Variants in KDM2A observed in about 807,000 individuals in gnomAD.
KDM2A encodes the protein lysine-specific demethylase 2A.
A neutral mutation model predicts 137.3 loss-of-function variants in KDM2A; 3 were observed. The ratio of observed to expected loss-of-function variants is 0.02; its 90% CI spans 0.01 to 0.06. The LOEUF (loss-of-function observed/expected upper bound fraction) is 0.06, where lower values mean the gene tolerates loss of function less well. Among genes scored for constraint, KDM2A ranks in the 10% least tolerant of loss-of-function variants. The pLI is 1.00. For synonymous variants in KDM2A, 512 were observed against 541.5 expected, an observed-to-expected ratio of 0.95 and a Z score of 0.76; for missense variants, 738 against 1,510.6, an observed-to-expected ratio of 0.49 and a Z score of 8.48.
At chr11:67,251,492 A>C (rs1042336154) in intron 17 of KDM2A, among the ~76,000 whole-genome samples, 4 of 152,200 alleles carry the variant, frequency 2.6e-5, no homozygotes, top group African/African-American at 9.7e-5. Flanking sequence ...AAACTCTGGT[A>C]TATATTTACT....
At chr11:67,144,666 C>T (rs2136298837) in intron 2 of KDM2A, among the ~76,000 whole-genome samples, 1 of 151,952 alleles carries the variant, frequency 6.6e-6, no homozygotes, top group South Asian at 2.1e-4. Context: ...CTCCTGGGCT[C>T]AGGTGATCTG....
intron 15 of KDM2A, among the ~76,000 whole-genome samples, chr11:67,246,576 AAAAAAAAAGT>A (rs1050668165): frequency 2.0e-5 from 3 of 152,014 alleles, no homozygotes; most frequent in African/African-American, 7.3e-5. Flanking sequence ...ATAGCTTTAA[AAAAAAAAAGT>A]AATAAAAAGT....
At chr11:67,157,488 T>C (rs1856544616) in intron 2 of KDM2A, among the ~76,000 whole-genome samples, 1 of 151,962 alleles carries the variant, frequency 6.6e-6, no homozygotes, top group African/African-American at 2.4e-5. Flanking sequence ...CTCACGCTTG[T>C]AATCCTAGCA....
At chr11:67,128,351 T>C (rs1714679504) in intron 2 of KDM2A, among the ~76,000 whole-genome samples, 1 of 152,026 alleles carries the variant, frequency 6.6e-6, no homozygotes, top group African/African-American at 2.4e-5. Flanking sequence ...TGACTGAGAA[T>C]GGACTAGATA....
chr11:67,169,059 G>A (rs1259977340), intron 2 of KDM2A, among the ~76,000 whole-genome samples: 6 of 148,794 alleles, frequency 4.0e-5, no homozygotes, highest in Non-Finnish European at 8.9e-5. Context: ...GGGTTCAAGC[G>A]ATTCTCTTGC....
intron 5 of KDM2A, among the ~76,000 whole-genome samples, chr11:67,192,433 C>CTTTTTTTTTTTTTTTT (rs921321640): frequency 4.3e-5 from 3 of 70,534 alleles, no homozygotes; most frequent in Non-Finnish European, 8.5e-5. Context: ...GTTTCCATTT[C>CTTTTTTTTTTTTTTTT]TTTTTTTTTT....
chr11:67,143,619 T>TTA (rs1565375871), intron 2 of KDM2A, among the ~76,000 whole-genome samples: 1 of 151,838 alleles, frequency 6.6e-6, no homozygotes, highest in East Asian at 1.9e-4. Context: ...GTCTTTCTCT[T>TTA]TTTATTTATT....
chr11:67,121,121 G>A (rs1472848050), intron 1 of KDM2A, 113 bp from the exon 2 acceptor site: 1 of 581,720 alleles, frequency 1.7e-6, no homozygotes, highest in Non-Finnish European at 3.1e-6. Context: ...TCATGAAGAG[G>A]AACCTGATTT....
Position 67,245,595 on chromosome 11 carries a change from A to G in KDM2A, c.1833+137A>G. On this transcript the variant is annotated intron_variant, in intron 14 of 20. Coordinates refer to ENST00000529006, the MANE Select transcript of KDM2A (RefSeq NM_012308.3). The surrounding 1 kb of genome is among the most constrained non-coding windows in gnomAD (Gnocchi z 4.1). ...TACTCTCTTTTTGGCTTTATTTTGTACCTTTTTTCCCCAGGTTTAGATAGA... is the reference window on the plus strand; with the variant it reads ...TACTCTCTTTTTGGCTTTATTTTGTGCCTTTTTTCCCCAGGTTTAGATAGA... 1.0e-6 allele frequency: 1 copy of G among 960,524 alleles called. No homozygotes were observed. The allele number at this position is 960,524 out of a possible 1,614,324, so 59.5% of individuals were successfully genotyped here. A position where few individuals can be genotyped will look rare whatever the true frequency, so the allele number is the denominator to read the frequency against.
intron 2 of KDM2A, among the ~76,000 whole-genome samples, chr11:67,144,589 G>A (rs1856200509): frequency 6.7e-6 from 1 of 149,070 alleles, no homozygotes; most frequent in South Asian, 2.1e-4. Flanking sequence ...TAGAGACAAG[G>A]TCTTGCTCTG....
intron 12 of KDM2A, among the ~76,000 whole-genome samples, chr11:67,235,138 C>A (rs2136431750): frequency 7.2e-6 from 1 of 139,842 alleles, no homozygotes; most frequent in Admixed American, 7.0e-5. Context: ...GAGCAAGACT[C>A]CATCTCAAAA....
intron 2 of KDM2A, among the ~76,000 whole-genome samples, chr11:67,122,015 C>G (rs1405384319): frequency 3.9e-5 from 6 of 152,160 alleles, no homozygotes; most frequent in African/African-American, 1.4e-4. Flanking sequence ...GCCATGCTTT[C>G]CTCGTAAGGT....
intron 2 of KDM2A, among the ~76,000 whole-genome samples, chr11:67,158,697 A>C (rs1856573378): frequency 6.6e-6 from 1 of 152,012 alleles, no homozygotes; most frequent in South Asian, 2.1e-4. Flanking sequence ...GTGTCTCACT[A>C]TGTTACCCGG....
chr11:67,246,654 A>C (rs1156577149), intron 15 of KDM2A, among the ~76,000 whole-genome samples: 1 of 152,034 alleles, frequency 6.6e-6, no homozygotes, highest in Non-Finnish European at 1.5e-5. Context: ...GTGTTCCAAA[A>C]GCTCCCCTAC....
intron 18 of KDM2A, 132 bp from the exon 19 acceptor site, chr11:67,253,321 G>A: frequency 1.3e-6 from 1 of 771,414 alleles, no homozygotes; most frequent in South Asian, 1.7e-5. Context: ...CTTTGAGCTG[G>A]ATGACTAAAA....
intron 2 of KDM2A, among the ~76,000 whole-genome samples, chr11:67,138,629 A>C (rs1856023271): frequency 6.6e-6 from 1 of 152,126 alleles, no homozygotes; most frequent in East Asian, 1.9e-4. Context: ...AAAAACACAA[A>C]AATTAACCAG....
chr11:67,134,988 C>T (rs771521101), intron 2 of KDM2A, among the ~76,000 whole-genome samples: 4 of 152,148 alleles, frequency 2.6e-5, no homozygotes, highest in African/African-American at 4.8e-5. Flanking sequence ...TTTTAACATA[C>T]GCAAAGATCA....
At position 67,232,025 on chromosome 11, in the gene KDM2A, G is replaced by T; in HGVS notation, c.1479+65G>T. 2.0e-6 allele frequency: 3 copies of T among 1,486,138 alleles called. No individual in the cohort carries two copies. The South Asian group carries it at 4.0e-5, about 20-fold the overall frequency. 92.1% of individuals were successfully genotyped at this position (1,486,138 alleles called of 1,614,324 possible). On this transcript the variant is annotated intron_variant, in intron 12 of 20. Transcript: ENST00000529006. ...CTATGGCAGTCAGCTTCCAGATTCA[G>T]AGGGAGAAAATATAGGAATTTTGGG...
intron 15 of KDM2A, among the ~76,000 whole-genome samples, chr11:67,246,484 G>C (rs1202305848): frequency 6.6e-6 from 1 of 151,994 alleles, no homozygotes; most frequent in Non-Finnish European, 1.5e-5. Context: ...CTGGATATTA[G>C]TTCCTAAGGG....
Sources: allele counts gnomAD v4.1 joint callset (sites outside exome capture counted in the v4.1 genomes callset), GRCh38; gene constraint gnomAD v4.1.1; non-coding constraint Gnocchi (gnomAD v3.1); transcripts MANE v1.5; gene names NCBI Gene and HGNC (gene_info 2026-07-23, HGNC 2026-07-21).